The following GON4L variants were observed in gnomAD, a reference collection of about 807,000 sequenced individuals.
The protein encoded by GON4L is GON-4-like protein.
Under a neutral mutation model 211.8 loss-of-function variants are expected in GON4L, and 87 were observed. The observed-to-expected ratio is 0.41, with a 90% CI of 0.35 to 0.49. The LOEUF (loss-of-function observed/expected upper bound fraction) is 0.49. Ranked by LOEUF, GON4L falls within the 20% of genes least tolerant of loss-of-function variation. The pLI, the probability that GON4L is intolerant of heterozygous loss-of-function variation, is 0.15. For missense variants in GON4L, 2,155 were observed against 2,659.5 expected (o/e 0.81, Z 4.17); for synonymous variants, 875 against 962.6 (o/e 0.91, Z 1.68).
intron 12 of GON4L, among the ~76,000 whole-genome samples, chr1:155,787,731 C>A (rs1314713501): frequency 1.3e-5 from 2 of 152,106 alleles, no homozygotes; most frequent in African/African-American, 4.8e-5. Context: ...CAATACAGCA[C>A]CAATGCACTC....
chr1:155,752,667 G>A (rs1660727205), intron 29 of GON4L, 77 bp from the exon 30 acceptor site: 38 of 1,545,228 alleles, frequency 2.5e-5, no homozygotes, highest in Non-Finnish European at 3.3e-5. Flanking sequence ...CCTGTGGCCA[G>A]GTACTGTGCA....
intron 3 of GON4L, among the ~76,000 whole-genome samples, chr1:155,825,576 C>CAAAAAAA (rs58768970): frequency 5.3e-4 from 74 of 140,568 alleles, no homozygotes; most frequent in Non-Finnish European, 9.3e-4. Context: ...TGTCTCAAAA[C>CAAAAAAA]AAAAAAAAAA....
chr1:155,815,326 A>G (rs1021820099), intron 8 of GON4L, among the ~76,000 whole-genome samples: 6 of 152,226 alleles, frequency 3.9e-5, no homozygotes, highest in African/African-American at 1.4e-4. Context: ...TTAAAAAGCT[A>G]GGAACAAAAC....
chr1:155,773,607 C>A (rs1234820891), intron 17 of GON4L, among the ~76,000 whole-genome samples: 1 of 152,178 alleles, frequency 6.6e-6, no homozygotes, highest in Non-Finnish European at 1.5e-5. Flanking sequence ...ATTCCAACTT[C>A]TTTAATCTCC....
chr1:155,829,810 G>A (rs1669576567), intron 2 of GON4L, among the ~76,000 whole-genome samples: 1 of 152,054 alleles, frequency 6.6e-6, no homozygotes, highest in African/African-American at 2.4e-5. Flanking sequence ...GGGTCCTAAA[G>A]GGCTCTAGGA....
chr1:155,752,852 C>A (rs1405639225), intron 29 of GON4L, among the ~76,000 whole-genome samples: 3 of 151,830 alleles, frequency 2.0e-5, no homozygotes, highest in Admixed American at 1.3e-4. Flanking sequence ...AGGTGGGGGG[C>A]ATAATGTCAC....
intron 6 of GON4L, among the ~76,000 whole-genome samples, chr1:155,819,864 A>G (rs1668582446): frequency 6.6e-6 from 1 of 152,162 alleles, no homozygotes; most frequent in African/African-American, 2.4e-5. Context: ...GGCCCTGCCC[A>G]TGGGTCCTGA....
downstream of GON4L, among the ~76,000 whole-genome samples, chr1:155,745,175 C>G (rs1321338783): frequency 6.6e-6 from 1 of 152,178 alleles, no homozygotes; most frequent in African/African-American, 2.4e-5. Context: ...ATACAATGGA[C>G]TATTCCACAG....
chr1:155,779,276 A>G (rs933620329), intron 14 of GON4L, among the ~76,000 whole-genome samples: 1 of 150,236 alleles, frequency 6.7e-6, no homozygotes, highest in African/African-American at 2.4e-5. Flanking sequence ...AAAAAAAAAG[A>G]AAAAAGAAAG....
intron 10 of GON4L, among the ~76,000 whole-genome samples, chr1:155,806,078 C>G (rs1370303623): frequency 6.6e-6 from 1 of 151,550 alleles, no homozygotes; most frequent in East Asian, 1.9e-4. Context: ...GCTTCGAACT[C>G]CTGGGCTCAA....
At chr1:155,815,381 T>C (rs905426982) in intron 8 of GON4L, among the ~76,000 whole-genome samples, 17 of 152,164 alleles carry the variant, frequency 1.1e-4, no homozygotes, top group Admixed American at 4.6e-4. Flanking sequence ...ACAGTAACAA[T>C]TGAACTACAG....
At chr1:155,787,633 C>T (rs1439187911) in intron 12 of GON4L, among the ~76,000 whole-genome samples, 1 of 152,092 alleles carries the variant, frequency 6.6e-6, no homozygotes, top group Non-Finnish European at 1.5e-5. Context: ...ATTAGCCAGG[C>T]ATGGTGGCAT....
chr1:155,774,934 T>C (rs1357286202), intron 17 of GON4L, 68 bp downstream of exon 17: 1 of 1,603,636 alleles, frequency 6.2e-7, no homozygotes, highest in South Asian at 1.1e-5. Context: ...CTTAGTTATC[T>C]ATGGGATAAG....
intron 19 of GON4L, among the ~76,000 whole-genome samples, chr1:155,769,432 G>A (rs1340445353): frequency 6.6e-6 from 1 of 152,168 alleles, no homozygotes; most frequent in Non-Finnish European, 1.5e-5. Context: ...GGATGATGGG[G>A]AGGAAAAAGC....
intron 2 of GON4L, among the ~76,000 whole-genome samples, chr1:155,829,161 G>A (rs1669507753): frequency 6.6e-6 from 1 of 152,218 alleles, no homozygotes; most frequent in South Asian, 2.1e-4. Flanking sequence ...TGCTTTAATG[G>A]TGTTTATTCT....
chr1:155,855,341 C>T (rs1399707310), intron 1 of GON4L, among the ~76,000 whole-genome samples: 1 of 151,984 alleles, frequency 6.6e-6, no homozygotes, highest in East Asian at 1.9e-4. Context: ...AACTCATATC[C>T]CTAATATCCA....
At chr1:155,774,757 A>C (rs1663603014) in intron 17 of GON4L, 4 of 591,100 alleles carry the variant, frequency 6.8e-6, no homozygotes, top group Non-Finnish European at 1.2e-5. Context: ...ACTGAGCCTC[A>C]GATCTCTACC....
At position 155,814,466 on chromosome 1, in the gene GON4L, G is replaced by T; in HGVS notation, c.1162-17C>A. On this transcript the variant is annotated splice_polypyrimidine_tract_variant and intron_variant, in intron 8 of 31. Coordinates refer to ENST00000368331, the MANE Select transcript of GON4L (RefSeq NM_001282860.2). ...CAATAAGCTCTACAAAATAAATCCA[G>T]TTCGCCTTAATATTTATGCCCCTAC... 1 of 1,612,680 alleles carries T rather than the reference G, an allele frequency of 6.2e-7. No homozygotes were observed. The highest frequency in any genetic ancestry group is 8.5e-7 in the Non-Finnish European group (1 of 1,179,000).
chr1:155,843,449 A>C (rs1670957783), intron 2 of GON4L, among the ~76,000 whole-genome samples: 1 of 152,008 alleles, frequency 6.6e-6, no homozygotes, highest in African/African-American at 2.4e-5. Flanking sequence ...TCCCACACTT[A>C]ACAGATTGAC....
Sources: gnomAD v4.1 joint callset for allele counts (sites outside exome capture counted in the v4.1 genomes callset) on GRCh38, gnomAD v4.1.1 for gene constraint, MANE v1.5 for transcripts, NCBI Gene and HGNC (gene_info 2026-07-23, HGNC 2026-07-21) for gene names.